Variants in UNC5D observed in about 807,000 individuals in gnomAD.
UNC5D encodes the protein unc-5 netrin receptor D, also known as netrin receptor UNC5D.
A neutral mutation model predicts 105.4 loss-of-function variants in UNC5D; 39 were observed. The observed-to-expected ratio is 0.37, with a 90% CI of 0.29 to 0.48. The LOEUF is 0.48. UNC5D is among the 20% of genes least tolerant of loss of function. The pLI, the probability that UNC5D is intolerant of heterozygous loss-of-function variation, is 0.98. For synonymous variants in UNC5D, 452 were observed against 450.4 expected (o/e 1.00, Z -0.04); for missense variants, 991 against 1,202.4 (o/e 0.82, Z 2.60).
chr8:35,707,893 TTTTAA>T (rs1827693039), intron 8 of UNC5D, among the ~76,000 whole-genome samples: 1 of 151,750 alleles, frequency 6.6e-6, no homozygotes, highest in Non-Finnish European at 1.5e-5. Context: ...GCTTAAACTG[TTTTAA>T]TTTGTGATTT....
chr8:35,352,323 A>G (rs560924726), intron 1 of UNC5D, among the ~76,000 whole-genome samples: 2 of 152,208 alleles, frequency 1.3e-5, no homozygotes, highest in South Asian at 2.1e-4. Flanking sequence ...ATGATCCTGT[A>G]TGGAGGAAAA....
intron 1 of UNC5D, among the ~76,000 whole-genome samples, chr8:35,278,169 C>T (rs1805899253): frequency 6.6e-6 from 1 of 152,110 alleles, no homozygotes; most frequent in African/African-American, 2.4e-5. Flanking sequence ...ATGTCTGGTC[C>T]CTGCTCACAG....
chr8:35,658,396 C>T (rs892540956), intron 4 of UNC5D, among the ~76,000 whole-genome samples: 1 of 152,058 alleles, frequency 6.6e-6, no homozygotes, highest in Non-Finnish European at 1.5e-5. Context: ...ATATGTATTG[C>T]ACCATCTTTG....
In UNC5D at chr8:35,369,277, G is replaced by A. The variant is rs368106009; in HGVS notation, c.103+133390G>A. Among the ~76,000 whole-genome samples the A allele has an allele frequency of 2.0e-5, 3 of 152,146 alleles. 1 individual carries two copies. The highest frequency in any genetic ancestry group is 7.2e-5 in the African/African-American group (3 of 41,526). On this transcript the variant is annotated intron_variant, in intron 1 of 16. Transcript: ENST00000404895. ...CAGGCCTCCTATACCATTTGTCCTT[G>A]CATCCTCACCATCTAGAATTGAACT... is the stretch of plus-strand genomic sequence containing the variant.
At chr8:35,743,414 C>T (rs1232881243) in intron 11 of UNC5D, among the ~76,000 whole-genome samples, 1 of 151,786 alleles carries the variant, frequency 6.6e-6, no homozygotes, top group Non-Finnish European at 1.5e-5. Context: ...GGACTACAGG[C>T]ATGCACCACC....
intron 1 of UNC5D, among the ~76,000 whole-genome samples, chr8:35,434,846 T>A (rs1585836114): frequency 6.6e-6 from 1 of 152,246 alleles, no homozygotes; most frequent in Middle Eastern, 3.4e-3. Context: ...ATAAAATATT[T>A]TCTCTGGTAA....
chr8:35,569,867 T>G (rs1178528706), intron 3 of UNC5D, among the ~76,000 whole-genome samples: 1 of 152,084 alleles, frequency 6.6e-6, no homozygotes, highest in East Asian at 1.9e-4. Flanking sequence ...CCCCCTCAAT[T>G]TTTTTCTGCT....
At chr8:35,754,100 G>A (rs989651359) in intron 13 of UNC5D, among the ~76,000 whole-genome samples, 3 of 152,148 alleles carry the variant, frequency 2.0e-5, no homozygotes, top group African/African-American at 7.2e-5. Context: ...TTTTAGGAAA[G>A]CCTTAACAAC....
intron 1 of UNC5D, among the ~76,000 whole-genome samples, chr8:35,538,719 G>A (rs144577599): frequency 1.3e-5 from 2 of 151,810 alleles, no homozygotes; most frequent in Non-Finnish European, 2.9e-5. Flanking sequence ...TGATGAATTC[G>A]ATATAGGGGC....
At chr8:35,295,147 T>C (rs1330063408) in intron 1 of UNC5D, among the ~76,000 whole-genome samples, 1 of 152,220 alleles carries the variant, frequency 6.6e-6, no homozygotes, top group Non-Finnish European at 1.5e-5. Context: ...TATGATTTAA[T>C]ACTGTACCTT....
chr8:35,726,741 G>T, intron 10 of UNC5D: 1 of 712,210 alleles, frequency 1.4e-6, no homozygotes, highest in Non-Finnish European at 2.3e-6. Flanking sequence ...TGGATTGAAT[G>T]CTCCCTTTGA....
At chr8:35,376,488 C>A (rs1213143195) in intron 1 of UNC5D, among the ~76,000 whole-genome samples, 3 of 152,050 alleles carry the variant, frequency 2.0e-5, no homozygotes, top group Non-Finnish European at 4.4e-5. Context: ...GGAAAGAACA[C>A]TGGGCTAAAA....
chr8:35,294,540 A>G (rs1807320584), intron 1 of UNC5D, among the ~76,000 whole-genome samples: 1 of 152,052 alleles, frequency 6.6e-6, no homozygotes, highest in Admixed American at 6.6e-5. Flanking sequence ...CTTTCTCTTG[A>G]ATCTTGAATC....
At chr8:35,479,744 C>A (rs913515203) in intron 1 of UNC5D, among the ~76,000 whole-genome samples, 1 of 152,044 alleles carries the variant, frequency 6.6e-6, no homozygotes, top group Non-Finnish European at 1.5e-5. Context: ...ATATTGAATA[C>A]ATATGGGAAC....
At chr8:35,529,188 C>T (rs1266222328) in intron 1 of UNC5D, among the ~76,000 whole-genome samples, 33 of 130,276 alleles carry the variant, frequency 2.5e-4, no homozygotes, top group Non-Finnish European at 4.0e-4. Context: ...TTAGGTCTAA[C>T]GTTTAAGTCT....
At chr8:35,354,406 TC>T (rs1207984959) in intron 1 of UNC5D, among the ~76,000 whole-genome samples, 13 of 152,302 alleles carry the variant, frequency 8.5e-5, no homozygotes, top group African/African-American at 3.1e-4. Context: ...AAAATTAACA[TC>T]TTACAAGATG....
chr8:35,275,755 G>C lies in UNC5D; in HGVS notation c.103+39868G>C, dbSNP rs559330453. On this transcript the variant is annotated intron_variant, in intron 1 of 16. Transcript: ENST00000404895. ...TAGTCAAGTTTATCTCCTGGGGCTT[G>C]AAGTAACATATGTAAAGTGCCATTG... Among the ~76,000 whole-genome samples, 172 of 152,312 alleles carry C rather than the reference G, an allele frequency of 1.1e-3. 1 individual carries two copies. Among genetic ancestry groups the C allele is most frequent in the Admixed American group, 3.8e-3 (58 of 15,290 alleles).
chr8:35,790,495 C>A lies in UNC5D; in HGVS notation c.2794C>A (p.Leu932Ile), dbSNP rs776798703. The part of the protein sequence containing the change: ...LEEIGRTHTK[L>I]SNISESQLDE... ...AGAGATTGGGAGGACACACACGAAA[C>A]TCTCAAACATTTCAGAATCCCAGCT... Residue 932 changes from leucine (L) to isoleucine (I), a missense_variant, in exon 17 of 17, where the codon CTC becomes ATC. This residue lies in a region of UNC5D where 45 missense variants were observed against 54.5 expected (regional missense o/e 0.83). Coordinates refer to ENST00000404895, the MANE Select transcript of UNC5D (RefSeq NM_080872.4). The A allele has an allele frequency of 9.9e-6, 16 of 1,613,966 alleles. No homozygotes were observed. The African/African-American group carries it at 2.0e-4, about 20-fold the overall frequency.
intron 16 of UNC5D, among the ~76,000 whole-genome samples, chr8:35,787,471 C>T (rs1015867702): frequency 5.3e-5 from 8 of 152,260 alleles, no homozygotes; most frequent in Admixed American, 2.0e-4. Flanking sequence ...TCTCCATTTG[C>T]CTCTCTCCCA....
Sources: gnomAD v4.1 joint callset for allele counts (sites outside exome capture counted in the v4.1 genomes callset) on GRCh38, gnomAD v4.1.1 for gene constraint, gnomAD v4.1.1 regional missense constraint, MANE v1.5 for transcripts, NCBI Gene and HGNC (gene_info 2026-07-23, HGNC 2026-07-21) for gene names.